The following SPRR2G variants were observed in gnomAD, a reference collection of about 807,000 sequenced individuals.
The protein encoded by SPRR2G is small proline-rich protein 2G.
In SPRR2G, 1 loss-of-function variant was observed where a neutral mutation model predicts 0.7. That is an observed-to-expected ratio of 1.49 (90% CI 0.53 to 7.06). The LOEUF is 7.06. SPRR2G is among the 30% of genes most tolerant of loss of function. SPRR2G has a pLI of 0.14. For missense variants in SPRR2G, 96 were observed against 88.5 expected, an observed-to-expected ratio of 1.09 and a Z score of -0.34; for synonymous variants, 38 against 33.9, an observed-to-expected ratio of 1.12 and a Z score of -0.42.
the SPRR2G span, chr1:153,190,878 T>TTTC: frequency 6.6e-6 from 1 of 152,182 alleles, no homozygotes; most frequent in Non-Finnish European, 1.5e-5. Flanking sequence ...TGTTTTTTTT[T>TTTC]TCTCTCTCTG....
the SPRR2G span, chr1:153,174,708 T>G: frequency 6.6e-6 from 1 of 152,184 alleles, no homozygotes; most frequent in Non-Finnish European, 1.5e-5. Flanking sequence ...AAATAGTCCA[T>G]ACATAGTGAC....
chr1:153,156,147 C>T, the SPRR2G span, among the ~76,000 whole-genome samples: 4 of 152,168 alleles, frequency 2.6e-5, no homozygotes, highest in South Asian at 2.1e-4. Context: ...AGTGTCACAA[C>T]AATCTTGTGA....
the SPRR2G span, among the ~76,000 whole-genome samples, chr1:153,171,991 C>A: frequency 4.6e-5 from 7 of 152,184 alleles, no homozygotes; most frequent in African/African-American, 9.6e-5. Context: ...CTTGTTCAGA[C>A]CTTCTTCTTT....
the SPRR2G span, chr1:153,176,119 A>C: frequency 6.6e-6 from 1 of 152,166 alleles, no homozygotes; most frequent in African/African-American, 2.4e-5. Context: ...CTAGAAATGA[A>C]GACTTGGCCA....
the SPRR2G span, chr1:153,176,220 C>A: frequency 6.6e-6 from 1 of 152,172 alleles, no homozygotes; most frequent in Non-Finnish European, 1.5e-5. Flanking sequence ...GGCTATGTAA[C>A]CCTAGACAAG....
chr1:153,162,874 C>G, the SPRR2G span, among the ~76,000 whole-genome samples: 4 of 152,180 alleles, frequency 2.6e-5, no homozygotes, highest in Non-Finnish European at 4.4e-5. Flanking sequence ...AATCTTGGGT[C>G]CCCAGTGCCT....
the SPRR2G span, among the ~76,000 whole-genome samples, chr1:153,181,688 C>T: frequency 1.3e-5 from 2 of 150,734 alleles, no homozygotes; most frequent in Middle Eastern, 3.2e-3. Flanking sequence ...CTGTGTCTGG[C>T]ATATTCTATT....
chr1:153,178,083 C>T, the SPRR2G span, among the ~76,000 whole-genome samples: 2 of 152,006 alleles, frequency 1.3e-5, no homozygotes, highest in Non-Finnish European at 2.9e-5. Context: ...AACATTTTAT[C>T]TTTTATGCTG....
the SPRR2G span, among the ~76,000 whole-genome samples, chr1:153,159,740 C>T: frequency 2.0e-5 from 3 of 152,158 alleles, no homozygotes; most frequent in Non-Finnish European, 4.4e-5. Flanking sequence ...AAAGGGGAAG[C>T]AAGGCGTGTC....
rs998964623 is a variant in SPRR2G, at chr1:153,149,781, G to A, written c.*108C>T. 5.4e-5 allele frequency: 75 copies of A among 1,382,380 alleles called. No individual in the cohort carries two copies. The highest frequency in any genetic ancestry group is 7.1e-5 in the Non-Finnish European group (70 of 985,326). The allele number at this position is 1,382,380 out of a possible 1,614,324, so 85.6% of individuals were successfully genotyped here. A position where few individuals can be genotyped will look rare whatever the true frequency, so the allele number is the denominator to read the frequency against. On this transcript the variant is annotated 3_prime_UTR_variant, in exon 2 of 2. Coordinates refer to ENST00000368748, the MANE Select transcript of SPRR2G (RefSeq NM_001014291.4). Reference sequence around the variant, plus strand: ...CAACGCTCAAGCCAGACAGAGGTTAGGGAAGATGCAGCCTCCCACTACAGC... The same window carrying A: ...CAACGCTCAAGCCAGACAGAGGTTAAGGAAGATGCAGCCTCCCACTACAGC...
the SPRR2G span, among the ~76,000 whole-genome samples, chr1:153,169,564 C>CAAA: frequency 7.0e-6 from 1 of 142,280 alleles, no homozygotes. Context: ...GACTCCATCT[C>CAAA]AAAAAAAAAA....
the SPRR2G span, among the ~76,000 whole-genome samples, chr1:153,170,641 TAA>T: frequency 1.5e-3 from 231 of 152,266 alleles, no homozygotes; most frequent in African/African-American, 5.4e-3. Context: ...GATAGAGAGA[TAA>T]GAGAGGTATT....
chr1:153,179,601 C>T, the SPRR2G span, among the ~76,000 whole-genome samples: 2 of 152,052 alleles, frequency 1.3e-5, no homozygotes, highest in East Asian at 3.8e-4. Context: ...TGATAGTAGT[C>T]ATAATAATAA....
At chr1:153,183,436 T>C in the SPRR2G span, among the ~76,000 whole-genome samples, 2 of 152,192 alleles carry the variant, frequency 1.3e-5, no homozygotes, top group South Asian at 4.2e-4. Context: ...TGGTATCTCA[T>C]TGTGGCTTTG....
At chr1:153,170,634 A>T in the SPRR2G span, among the ~76,000 whole-genome samples, 1 of 152,186 alleles carries the variant, frequency 6.6e-6, no homozygotes, top group Non-Finnish European at 1.5e-5. Flanking sequence ...AGGGCTTGAT[A>T]GAGAGATAAG....
the SPRR2G span, among the ~76,000 whole-genome samples, chr1:153,189,730 A>G: frequency 6.6e-6 from 1 of 152,204 alleles, no homozygotes; most frequent in Non-Finnish European, 1.5e-5. Context: ...TGAAGAAGTA[A>G]TGATCAAGTT....
At chr1:153,157,386 G>C in the SPRR2G span, among the ~76,000 whole-genome samples, 1 of 152,182 alleles carries the variant, frequency 6.6e-6, no homozygotes, top group Non-Finnish European at 1.5e-5. Flanking sequence ...CAAAGTGTGG[G>C]AGAGTAGATG....
At chr1:153,202,671 G>A in the SPRR2G span, among the ~76,000 whole-genome samples, 4 of 152,162 alleles carry the variant, frequency 2.6e-5, no homozygotes, top group African/African-American at 4.8e-5. Flanking sequence ...AGTCTCATTC[G>A]ACTTTTACTT....
chr1:153,160,281 T>C, the SPRR2G span, among the ~76,000 whole-genome samples: 71,464 of 151,804 alleles, frequency 0.47, 17,832 homozygotes, highest in Non-Finnish European at 0.57. Flanking sequence ...TGTATATATA[T>C]GCCACAATTT....
Sources: gnomAD v4.1 joint callset for allele counts (sites outside exome capture counted in the v4.1 genomes callset) on GRCh38, gnomAD v4.1.1 for gene constraint, MANE v1.5 for transcripts, NCBI Gene and HGNC (gene_info 2026-07-23, HGNC 2026-07-21) for gene names.